The following CEP89 variants were observed in gnomAD, a reference collection of about 807,000 sequenced individuals.
CEP89 encodes centrosomal protein of 89 kDa.
A neutral mutation model predicts 97.6 loss-of-function variants in CEP89; 95 were observed. That is an observed-to-expected ratio of 0.97 (90% CI 0.82 to 1.15). The LOEUF (loss-of-function observed/expected upper bound fraction) is 1.15, where lower values mean the gene tolerates loss of function less well. Ranked by LOEUF, CEP89 falls within the 50% of genes most tolerant of loss-of-function variation. The pLI is 0.00. For missense variants in CEP89, 869 were observed against 947.7 expected (o/e 0.92, Z 1.09); for synonymous variants, 354 against 349.1 (o/e 1.01, Z -0.16).
At chr19:32,924,189 G>A (rs1023409691) in intron 11 of CEP89, among the ~76,000 whole-genome samples, 7 of 151,848 alleles carry the variant, frequency 4.6e-5, no homozygotes, top group African/African-American at 7.3e-5. Flanking sequence ...ACGAGGTTTC[G>A]CCATGTTACT....
chr19:32,958,251 C>T (rs1483713981), intron 3 of CEP89, among the ~76,000 whole-genome samples: 1 of 151,302 alleles, frequency 6.6e-6, no homozygotes, highest in Non-Finnish European at 1.5e-5. Context: ...AAAACAAGCC[C>T]TAGAAGGAAA....
In CEP89 at chr19:32,878,783, CAT is replaced by C. The variant is rs1025245428; in HGVS notation, c.*377_*378del. The C allele has an allele frequency of 6.1e-6, 1 of 163,186 alleles. No individual in the cohort carries two copies. The highest frequency in any genetic ancestry group is 2.4e-5 in the African/African-American group (1 of 41,958). 10.1% of individuals were successfully genotyped at this position (163,186 alleles called of 1,614,324 possible). A position where few individuals can be genotyped will look rare whatever the true frequency, so the allele number is the denominator to read the frequency against. ...AGGAGTTCAAGACCAGCCTGAGCAACATAGCAAGACCTCATCTCAACAAAAAA... is the reference window on the plus strand; with the variant it reads ...AGGAGTTCAAGACCAGCCTGAGCAACAGCAAGACCTCATCTCAACAAAAAA... On this transcript the variant is annotated 3_prime_UTR_variant, in exon 19 of 19. Transcript: ENST00000305768.
chr19:32,920,607 C>T (rs1407589184), intron 12 of CEP89, among the ~76,000 whole-genome samples: 1 of 152,088 alleles, frequency 6.6e-6, no homozygotes, highest in Non-Finnish European at 1.5e-5. Flanking sequence ...CCTCAGGCTC[C>T]TGAGTAGCTG....
intron 6 of CEP89, among the ~76,000 whole-genome samples, chr19:32,939,332 T>C (rs1432053349): frequency 6.6e-6 from 1 of 152,184 alleles, no homozygotes; most frequent in African/African-American, 2.4e-5. Flanking sequence ...AACCCTTTAA[T>C]ACATTACTTT....
chr19:32,959,885 C>T lies in CEP89; in HGVS notation c.305+15G>A, dbSNP rs375393808. The T allele has an allele frequency of 4.3e-5, 70 of 1,613,202 alleles. No individual in the cohort carries two copies. Among genetic ancestry groups the T allele is most frequent in the Non-Finnish European group, 5.5e-5 (65 of 1,179,404 alleles). ...CCACTCTCAGAGGAAGCAGAGGCGG[C>T]GATCTGGTACCTACCGAGGCCTCAG... On this transcript the variant is annotated intron_variant, in intron 3 of 18. Coordinates refer to ENST00000305768, the MANE Select transcript of CEP89 (RefSeq NM_032816.5).
intron 18 of CEP89, among the ~76,000 whole-genome samples, chr19:32,879,765 C>T (rs1969241167): frequency 6.6e-6 from 1 of 152,222 alleles, no homozygotes; most frequent in South Asian, 2.1e-4. Flanking sequence ...TGGCCTTGGC[C>T]AGCCAGACGC....
chr19:32,913,520 A>T (rs981025062), intron 14 of CEP89, among the ~76,000 whole-genome samples: 1 of 152,058 alleles, frequency 6.6e-6, no homozygotes, highest in African/African-American at 2.4e-5. Flanking sequence ...TAGAATGATC[A>T]ACTCATTTCA....
chr19:32,894,155 C>T (rs1285375649), intron 16 of CEP89, among the ~76,000 whole-genome samples: 1 of 152,110 alleles, frequency 6.6e-6, no homozygotes, highest in African/African-American at 2.4e-5. Context: ...AGTGAAAATC[C>T]ACTGCTAACA....
chr19:32,887,789 CT>C lies in CEP89; in HGVS notation c.1927del (p.Ser643AlafsTer8). 1 of 1,613,622 alleles carries C rather than the reference CT, an allele frequency of 6.2e-7. No individual in the cohort carries two copies. ...KDGVLNKVIK[S>X]NIRLGKLEEK... ...CTCTAACTTTCCCAGGCGAATGTTG[CT>C]TTTTATGACTTTATTAAGCACTCCA... On this transcript the variant is annotated frameshift_variant, in exon 17 of 19. Transcript: ENST00000305768. LOFTEE classifies it high-confidence loss of function.
At chr19:32,940,260 C>G (rs1272859693) in intron 5 of CEP89, among the ~76,000 whole-genome samples, 25 of 145,016 alleles carry the variant, frequency 1.7e-4, no homozygotes, top group Non-Finnish European at 3.4e-4. Flanking sequence ...ACACTCCTCC[C>G]CATCACGCTC....
At chr19:32,921,860 G>A (rs16967578) in intron 12 of CEP89, among the ~76,000 whole-genome samples, 33,495 of 152,086 alleles carry the variant, frequency 0.22, 3,922 homozygotes, top group East Asian at 0.51. Context: ...AAATCAGGGA[G>A]AGCCAATGGT....
In CEP89 at chr19:32,879,292, G is replaced by T. The variant is rs769271748; in HGVS notation, c.2222C>A (p.Thr741Lys). 1.2e-6 allele frequency: 2 copies of T among 1,614,240 alleles called. No individual in the cohort carries two copies. The highest frequency in any genetic ancestry group is 1.7e-5 in the Admixed American group (1 of 60,034). Residue 741 changes from threonine to lysine, a missense_variant, in exon 19 of 19, where the codon ACG becomes AAG. Physicochemically the swap from Thr to Lys is moderately conservative, Grantham distance 78. Transcript: ENST00000305768. ...RIRELLQDTL[T>K]RTGVQDNPRA... ...GGGGTTGTCCTGCACGCCTGTCCTC[G>T]TGAGTGTGTCCTGGAGAAGTTCTCG...
chr19:32,912,245 T>C (rs1970016809), intron 14 of CEP89, among the ~76,000 whole-genome samples: 1 of 151,952 alleles, frequency 6.6e-6, no homozygotes, highest in Admixed American at 6.6e-5. Flanking sequence ...AATTACTCAT[T>C]GTGATGGTTA....
chr19:32,927,729 T>C (rs528124489), intron 9 of CEP89, among the ~76,000 whole-genome samples: 1 of 151,874 alleles, frequency 6.6e-6, no homozygotes, highest in Non-Finnish European at 1.5e-5. Context: ...CTCAGCCTCC[T>C]GAGCAGCTCA....
intron 4 of CEP89, among the ~76,000 whole-genome samples, chr19:32,951,092 C>T (rs544050904): frequency 2.0e-5 from 3 of 151,992 alleles, no homozygotes; most frequent in African/African-American, 4.8e-5. Context: ...GAAAATGTAT[C>T]GAAATGTGCA....
At chr19:32,905,269 G>A (rs540340862) in intron 14 of CEP89, among the ~76,000 whole-genome samples, 1 of 152,248 alleles carries the variant, frequency 6.6e-6, no homozygotes, top group East Asian at 1.9e-4. Flanking sequence ...TTTAATAGAA[G>A]TTTTACATCT....
chr19:32,926,306 T>C lies in CEP89; in HGVS notation c.1081-33A>G, dbSNP rs1216919891. ...TAGAGAGTAAAGGAAGGTTAATATA[T>C]TTCTTACATCTAAACACAACCAGAA... On this transcript the variant is annotated intron_variant, in intron 10 of 18. Coordinates refer to ENST00000305768, the MANE Select transcript of CEP89 (RefSeq NM_032816.5). 3 of 1,478,418 alleles carry C rather than the reference T, an allele frequency of 2.0e-6. No homozygotes were observed. The Admixed American group carries it at 5.2e-5, about 26-fold the overall frequency. The allele number at this position is 1,478,418 out of a possible 1,614,324, so 91.6% of individuals were successfully genotyped here.
At chr19:32,879,685 G>C (rs554014339) in intron 18 of CEP89, among the ~76,000 whole-genome samples, 1 of 152,334 alleles carries the variant, frequency 6.6e-6, no homozygotes, top group Non-Finnish European at 1.5e-5. Context: ...TTTGGCGCCA[G>C]TGCAATCCCT....
chr19:32,912,217 G>GA (rs1341770339), intron 14 of CEP89, among the ~76,000 whole-genome samples: 4 of 149,836 alleles, frequency 2.7e-5, no homozygotes, highest in African/African-American at 4.9e-5. Context: ...AAAAAAAAAG[G>GA]AAAAAAAAGA....
Sources: allele counts gnomAD v4.1 joint callset (sites outside exome capture counted in the v4.1 genomes callset), GRCh38; gene constraint gnomAD v4.1.1; transcripts MANE v1.5; gene names NCBI Gene and HGNC (gene_info 2026-07-23, HGNC 2026-07-21).